ADAMTS5: variants seen among roughly 807,000 people sequenced by gnomAD.
ADAMTS5 encodes A disintegrin and metalloproteinase with thrombospondin motifs 5.
ADAMTS5 carries 54 observed loss-of-function variants against 81.4 expected under a neutral mutation model. The ratio of observed to expected loss-of-function variants is 0.66; its 90% CI spans 0.53 to 0.83. The LOEUF (loss-of-function observed/expected upper bound fraction) is 0.83, where lower values mean the gene tolerates loss of function less well. Among genes scored for constraint, ADAMTS5 ranks in the 40% least tolerant of loss-of-function variants. The pLI is 0.00. For missense variants in ADAMTS5, 1,194 were observed against 1,229.9 expected (o/e 0.97, Z 0.44); for synonymous variants, 532 against 508.8 (o/e 1.05, Z -0.61).
rs778612899 is a variant in ADAMTS5 at position 26,934,625 on chromosome 21, G to C, written c.1530C>G (p.Gly510=). The part of the protein sequence containing the change: ...TFGPEYSVCP[G]MDVCARLWCA... Reference sequence around the variant, plus strand: ...ACCACAGGCGAGCACAGACATCCATGCCGGGACACACGGAGTACTCAGGCC... The same window carrying C: ...ACCACAGGCGAGCACAGACATCCATCCCGGGACACACGGAGTACTCAGGCC... The change falls in exon 4 of 8, where the codon GGC becomes GGG. Residue 510 remains glycine, a synonymous_variant. Transcript: ENST00000284987. 3.7e-6 allele frequency: 6 copies of C among 1,614,172 alleles called. No homozygotes were observed. In the South Asian group the frequency reaches 6.6e-5, roughly 18 times the overall value.
Position 26,965,593 on chromosome 21 carries a change from G to C in ADAMTS5, c.799C>G (p.Arg267Gly), listed in dbSNP as rs571380802. 3 of 1,604,140 alleles carry C rather than the reference G, an allele frequency of 1.9e-6. No homozygotes were observed. The Admixed American group carries it at 5.0e-5, about 27-fold the overall frequency. ...GCCACCAGAAGCAGCTCCACCTGGC[G>C]GGCCCGGGAGATGGAGCGGCGCCGC... ...RRRRRSISRARQVELLLVADA... is the reference protein window; with the variant it reads ...RRRRRSISRAGQVELLLVADA... The change falls in exon 1 of 8, where the codon CGC becomes GGC. Residue 267 changes from arginine to glycine, a missense_variant. By Grantham distance (125) the Arg-to-Gly change is moderately radical. Transcript: ENST00000284987.
At chr21:26,963,563 A>C (rs1987570136) in intron 1 of ADAMTS5, among the ~76,000 whole-genome samples, 1 of 145,696 alleles carries the variant, frequency 6.9e-6, no homozygotes, top group Non-Finnish European at 1.5e-5. Flanking sequence ...TCCTTCCATA[A>C]ACTCTCCAAA....
In ADAMTS5 at chr21:26,922,720, ATCACATGTCATCACTCAAACACTTAC is replaced by A. The variant is rs1274915087; in HGVS notation, c.*1307_*1332del. 2 of 152,554 alleles carry A rather than the reference ATCACATGTCATCACTCAAACACTTAC, an allele frequency of 1.3e-5. No homozygotes were observed. Among genetic ancestry groups the A allele is most frequent in the African/African-American group, 4.8e-5 (2 of 41,458 alleles). 9.5% of individuals were successfully genotyped at this position (152,554 alleles called of 1,614,324 possible). ...CAAAAACAACAACTTTCTGAAAATC[ATCACATGTCATCACTCAAACACTTAC>A]GGGTACAATCAAGTGCTTTCCAGTT... On this transcript the variant is annotated 3_prime_UTR_variant, in exon 8 of 8. Transcript: ENST00000284987.
At position 26,967,036 on chromosome 21, in the gene ADAMTS5, C is replaced by T. The variant is rs1987702545; in HGVS notation, c.-645G>A. Among the ~76,000 whole-genome samples the T allele has an allele frequency of 6.6e-6, 1 of 152,230 alleles. No individual in the cohort carries two copies. Among genetic ancestry groups the T allele is most frequent in the African/African-American group, 2.4e-5 (1 of 41,468 alleles). The stretch of plus-strand genomic sequence containing the variant: ...CCTTCGGCTGCGGTCTCCTCCTGCC[C>T]GCCGTCATCCCCAGTCGGCAGCTGC... On this transcript the variant is annotated 5_prime_UTR_variant, in exon 1 of 8. Transcript: ENST00000284987.
In ADAMTS5 at chr21:26,932,923, C is replaced by A. The variant is rs532699369; in HGVS notation, c.1811G>T (p.Arg604Leu). ...GATGGCCCTCTTCCCTGTGCAGTAG[C>A]GTCCGTTGTTTCTGGGAGCAGGGTT... ...CNNPAPRNNG[R>L]YCTGKRAIYR... The change falls in exon 5 of 8, where the codon CGC (arginine) becomes CTC (leucine). Residue 604 changes from arginine to leucine, a missense_variant. This residue lies in a region of ADAMTS5 where 696 missense variants were observed against 817.6 expected (regional missense o/e 0.85). Transcript: ENST00000284987. The A allele has an allele frequency of 6.2e-7, 1 of 1,613,912 alleles. No homozygotes were observed. Among genetic ancestry groups the A allele is most frequent in the East Asian group, 2.2e-5 (1 of 44,866 alleles).
At position 26,965,897 on chromosome 21, in the gene ADAMTS5, T is replaced by C. The variant is rs757816507; in HGVS notation, c.495A>G (p.Leu165=). 5.0e-6 allele frequency: 8 copies of C among 1,613,824 alleles called. No individual in the cohort carries two copies. The South Asian group carries it at 8.8e-5, about 18-fold the overall frequency. Residue 165 remains leucine (L), a synonymous_variant, in exon 1 of 8, where the codon CTA becomes CTG. Coordinates refer to ENST00000284987, the MANE Select transcript of ADAMTS5 (RefSeq NM_007038.5). ...FFAVKHARYT[L]KPLLRGPWAE... Reference sequence around the variant, plus strand: ...CCCAGGGTCCGCGCAGCAGTGGCTTTAGGGTGTAGCGCGCGTGCTTGACCG... The same window carrying C: ...CCCAGGGTCCGCGCAGCAGTGGCTTCAGGGTGTAGCGCGCGTGCTTGACCG...
chr21:26,965,680 G>A lies in ADAMTS5; in HGVS notation c.712C>T (p.Leu238Phe), dbSNP rs1316200678. 1 of 1,586,132 alleles carries A rather than the reference G, an allele frequency of 6.3e-7. No homozygotes were observed. Among genetic ancestry groups the A allele is most frequent in the Admixed American group, 1.8e-5 (1 of 56,878 alleles). ...PSGRAALASQLLDQSALSPAG... is the reference protein window; with the variant it reads ...PSGRAALASQFLDQSALSPAG... ...GGCGAGAGAGCGGACTGGTCCAAGA[G>A]CTGCGAGGCCAGTGCTGCGCGTCCG... The change falls in exon 1 of 8, where the codon CTC becomes TTC. Residue 238 changes from leucine to phenylalanine, a missense_variant. Coordinates refer to ENST00000284987, the MANE Select transcript of ADAMTS5 (RefSeq NM_007038.5).
chr21:26,952,558 G>A (rs963813551), intron 2 of ADAMTS5, among the ~76,000 whole-genome samples: 3 of 152,206 alleles, frequency 2.0e-5, no homozygotes, highest in Non-Finnish European at 4.4e-5. Context: ...TATTGCCACA[G>A]TGTTTGTCTT....
rs1484982640 is a variant in ADAMTS5, at chr21:26,922,625, T to A, written c.*1428A>T. On this transcript the variant is annotated 3_prime_UTR_variant, in exon 8 of 8. Transcript: ENST00000284987. The stretch of plus-strand genomic sequence containing the variant: ...TATCATCTAAAAAGATATCTTTAGG[T>A]GTGTGCTTATAAAATAATTTCCATG... 1 of 152,126 alleles carries A rather than the reference T, an allele frequency of 6.6e-6. No individual in the cohort carries two copies. The highest frequency in any genetic ancestry group is 2.4e-5 in the African/African-American group (1 of 41,458). 9.4% of individuals were successfully genotyped at this position (152,126 alleles called of 1,614,324 possible).
rs1307711499 is a variant in ADAMTS5 at position 26,931,697 on chromosome 21, G to T, written c.2049+307C>A. 5.3e-5 allele frequency among the ~76,000 whole-genome samples: 8 copies of T among 152,260 alleles called. No individual in the cohort carries two copies. The East Asian group carries it at 1.5e-3, about 29-fold the overall frequency. On this transcript the variant is annotated intron_variant, in intron 6 of 7. Transcript: ENST00000284987. ...CAATGCTGCTTAGGAAATACTAGTT[G>T]TTTTCATGGTTACTTTAAAGTTAAG...
intron 2 of ADAMTS5, among the ~76,000 whole-genome samples, chr21:26,953,677 G>A (rs544920160): frequency 2.0e-5 from 3 of 152,166 alleles, no homozygotes; most frequent in Non-Finnish European, 4.4e-5. Context: ...GATGGCAAAA[G>A]GTACCATAAT....
Position 26,965,645 on chromosome 21 carries a change from G to C in ADAMTS5, c.747C>G (p.Gly249=). The C allele has an allele frequency of 1.9e-6, 3 of 1,595,612 alleles. No homozygotes were observed. The highest frequency in any genetic ancestry group is 2.6e-6 in the Non-Finnish European group (3 of 1,173,402). Residue 249 remains glycine (G), a synonymous_variant, in exon 1 of 8, where the codon GGC becomes GGG. Transcript: ENST00000284987. The part of the protein sequence containing the change: ...LDQSALSPAG[G]SGPQTWWRRR... ...GCCGCCACCACGTCTGCGGTCCTGAGCCCCCAGCGGGCGAGAGAGCGGACT... is the reference window on the plus strand; with the variant it reads ...GCCGCCACCACGTCTGCGGTCCTGACCCCCCAGCGGGCGAGAGAGCGGACT...
chr21:26,939,115 C>T (rs985208827), intron 3 of ADAMTS5, among the ~76,000 whole-genome samples: 7 of 152,196 alleles, frequency 4.6e-5, no homozygotes, highest in African/African-American at 1.7e-4. Flanking sequence ...AAAATGGGTG[C>T]ATTTGCCTGC....
intron 5 of ADAMTS5, 41 bp downstream of exon 5, chr21:26,932,820 A>G: frequency 1.9e-6 from 3 of 1,563,436 alleles, no homozygotes; most frequent in Non-Finnish European, 2.6e-6. Context: ...TACAAATGAC[A>G]TGTAGCATAT....
Position 26,924,246 on chromosome 21 carries a change from C to T in ADAMTS5, c.2600G>A (p.Ser867Asn). The change falls in exon 8 of 8, where the codon AGC becomes AAC. Residue 867 changes from serine (S) to asparagine (N), a missense_variant. Coordinates refer to ENST00000284987, the MANE Select transcript of ADAMTS5 (RefSeq NM_007038.5). Reference protein sequence around the residue: ...PKVNSVTSHGSNKVGSHTSQP... With the variant: ...PKVNSVTSHGNNKVGSHTSQP... ...CGAAGTGTGTGATCCCACTTTATTG[C>T]TGCCATGACTAGTGACAGAGTTTAC... 5 of 1,614,194 alleles carry T rather than the reference C, an allele frequency of 3.1e-6. No homozygotes were observed. Among genetic ancestry groups the T allele is most frequent in the Non-Finnish European group, 4.2e-6 (5 of 1,180,036 alleles).
In ADAMTS5 at chr21:26,965,276, G is replaced by C; in HGVS notation, c.1104+12C>G. 6.2e-7 allele frequency: 1 copy of C among 1,600,886 alleles called. No homozygotes were observed. Among genetic ancestry groups the C allele is most frequent in the Non-Finnish European group, 8.5e-7 (1 of 1,170,916 alleles). ...ATCAGCGCTGGGACCCCCGCATCCC[G>C]GCTGGACCTACCTCCCGAGTAAACA... On this transcript the variant is annotated intron_variant, in intron 1 of 7. Coordinates refer to ENST00000284987, the MANE Select transcript of ADAMTS5 (RefSeq NM_007038.5).
intron 3 of ADAMTS5, among the ~76,000 whole-genome samples, chr21:26,938,311 T>C (rs1040687451): frequency 6.6e-6 from 1 of 151,914 alleles, no homozygotes; most frequent in African/African-American, 2.4e-5. Flanking sequence ...GTTTTTACCA[T>C]TCATGTTAAA....
At chr21:26,955,424 A>G (rs1177279428) in intron 1 of ADAMTS5, among the ~76,000 whole-genome samples, 3 of 152,286 alleles carry the variant, frequency 2.0e-5, no homozygotes, top group African/African-American at 7.2e-5. Context: ...TGAAATCTGT[A>G]CCTTCTTACT....
chr21:26,924,425 G>T lies in ADAMTS5; in HGVS notation c.2421C>A (p.Asn807Lys), dbSNP rs774184284. The T allele has an allele frequency of 6.2e-7, 1 of 1,614,216 alleles. No individual in the cohort carries two copies. Among genetic ancestry groups the T allele is most frequent in the South Asian group, 1.1e-5 (1 of 91,092 alleles). The part of the protein sequence containing the change: ...TIIDINGTVM[N>K]YSGWSHRDDF... ...CATCCCTGTGGCTCCAACCGCTATAGTTCATGACTGTTCCATTGATGTCAA... is the reference window on the plus strand; with the variant it reads ...CATCCCTGTGGCTCCAACCGCTATATTTCATGACTGTTCCATTGATGTCAA... The change falls in exon 8 of 8, where the codon AAC becomes AAA. Residue 807 changes from asparagine (N) to lysine (K), a missense_variant. Asn to Lys is a moderately conservative substitution (Grantham distance 94). This residue lies in a region of ADAMTS5 where 696 missense variants were observed against 817.6 expected (regional missense o/e 0.85). Coordinates refer to ENST00000284987, the MANE Select transcript of ADAMTS5 (RefSeq NM_007038.5).
Sources: allele counts gnomAD v4.1 joint callset (sites outside exome capture counted in the v4.1 genomes callset), GRCh38; gene constraint gnomAD v4.1.1; regional missense constraint gnomAD v4.1.1; transcripts MANE v1.5; gene names NCBI Gene and HGNC (gene_info 2026-07-23, HGNC 2026-07-21).